Variants in CAMTA1 observed in about 807,000 individuals in gnomAD.
The protein encoded by CAMTA1 is calmodulin-binding transcription activator 1.
In CAMTA1, 27 loss-of-function variants were observed where a neutral mutation model predicts 170.9. The observed-to-expected ratio is 0.16, with a 90% CI of 0.12 to 0.22. The LOEUF (loss-of-function observed/expected upper bound fraction) is 0.22, where lower values mean the gene tolerates loss of function less well. Among genes scored for constraint, CAMTA1 ranks in the 10% least tolerant of loss-of-function variants. The pLI is 1.00. For missense variants in CAMTA1, 1,619 were observed against 2,217.2 expected (o/e 0.73, Z 5.42); for synonymous variants, 833 against 891.5 (o/e 0.93, Z 1.17).
At chr1:6,829,150 G>A (rs565764101) in intron 3 of CAMTA1, among the ~76,000 whole-genome samples, 25 of 151,966 alleles carry the variant, frequency 1.6e-4, no homozygotes, top group African/African-American at 5.1e-4. Flanking sequence ...TGATCTACCC[G>A]CTTCAGCCTC....
At chr1:7,242,241 C>T (rs1422677198) in intron 4 of CAMTA1, among the ~76,000 whole-genome samples, 1 of 152,304 alleles carries the variant, frequency 6.6e-6, no homozygotes, top group East Asian at 1.9e-4. Context: ...AACCACAATA[C>T]ACTCACTAGG....
chr1:7,079,812 C>A (rs779485280), intron 3 of CAMTA1, among the ~76,000 whole-genome samples: 17 of 152,090 alleles, frequency 1.1e-4, no homozygotes, highest in Non-Finnish European at 2.2e-4. Context: ...GGGAAAAAGA[C>A]AAATTATAGA....
intron 5 of CAMTA1, among the ~76,000 whole-genome samples, chr1:7,253,982 A>G (rs1422970545): frequency 6.6e-6 from 1 of 152,096 alleles, no homozygotes; most frequent in Non-Finnish European, 1.5e-5. Context: ...TGCAACCCTG[A>G]TGCAGGGTTT....
At position 6,989,637 on chromosome 1, in the gene CAMTA1, C is replaced by G. The variant is rs140027150; in HGVS notation, c.235-101667C>G. 5.7e-3 allele frequency among the ~76,000 whole-genome samples: 864 copies of G among 152,132 alleles called. 29 individuals are homozygous for G. The highest frequency in any genetic ancestry group is 0.052 in the Admixed American group (796 of 15,278). ...AACCTCTTCATTTGGGTGGATGCCC[C>G]GGGCTTTAAAGATAGCTGTCTTCCC... On this transcript the variant is annotated intron_variant, in intron 3 of 22. Transcript: ENST00000303635.
At chr1:7,035,715 C>G (rs1057003170) in intron 3 of CAMTA1, among the ~76,000 whole-genome samples, 3 of 152,192 alleles carry the variant, frequency 2.0e-5, no homozygotes, top group Admixed American at 1.3e-4. Flanking sequence ...GGTCTGCAGA[C>G]CATATTTGGA....
At chr1:7,655,291 C>CACAG (rs1558065279) in intron 7 of CAMTA1, among the ~76,000 whole-genome samples, 2 of 76,554 alleles carry the variant, frequency 2.6e-5, no homozygotes, top group African/African-American at 8.4e-5. Flanking sequence ...TATACACACA[C>CACAG]ACACCTATAC....
intron 6 of CAMTA1, among the ~76,000 whole-genome samples, chr1:7,485,005 C>T (rs979362839): frequency 6.6e-6 from 1 of 152,112 alleles, no homozygotes; most frequent in East Asian, 1.9e-4. Context: ...CACCGGCCCA[C>T]GCTCACCATG....
intron 1 of CAMTA1, among the ~76,000 whole-genome samples, chr1:6,790,287 T>G (rs1569822573): frequency 1.4e-5 from 2 of 147,288 alleles, no homozygotes; most frequent in Admixed American, 1.4e-4. Context: ...GGAGTGGGGG[T>G]GGTGAAGAGG....
rs1197525214 is a variant in CAMTA1, at chr1:7,092,837, A to G, written c.302+1466A>G. Among the ~76,000 whole-genome samples the G allele has an allele frequency of 6.6e-6, 1 of 152,202 alleles. No individual in the cohort carries two copies. The highest frequency in any genetic ancestry group is 2.4e-5 in the African/African-American group (1 of 41,454). ...CTGAGGAAGCCCCCTCTGCCTGGGA[A>G]GTTGGCGTCTCCCAGAGGAGGGCAG... On this transcript the variant is annotated intron_variant, in intron 4 of 22. Transcript: ENST00000303635. This position sits in a 1 kb window ranked among gnomAD's most constrained non-coding sequence, Gnocchi z 5.0.
At chr1:7,595,014 T>A (rs2095388623) in intron 6 of CAMTA1, among the ~76,000 whole-genome samples, 1 of 152,142 alleles carries the variant, frequency 6.6e-6, no homozygotes, top group South Asian at 2.1e-4. Context: ...AGGAGAGGCC[T>A]AAGACTGAGC....
intron 11 of CAMTA1, among the ~76,000 whole-genome samples, chr1:7,690,859 G>A (rs1223801461): frequency 1.3e-5 from 2 of 152,204 alleles, no homozygotes; most frequent in Non-Finnish European, 2.9e-5. Context: ...GAGGCTTCTG[G>A]AGCCTCTTCC....
At chr1:7,589,362 T>G (rs1317112492) in intron 6 of CAMTA1, among the ~76,000 whole-genome samples, 1 of 152,192 alleles carries the variant, frequency 6.6e-6, no homozygotes, top group Non-Finnish European at 1.5e-5. Context: ...CTGCATTTGT[T>G]CAGGTGTTGA....
At chr1:6,855,744 G>A (rs1662088930) in intron 3 of CAMTA1, among the ~76,000 whole-genome samples, 2 of 151,898 alleles carry the variant, frequency 1.3e-5, no homozygotes, top group African/African-American at 4.8e-5. Flanking sequence ...TCGAAGTAAG[G>A]AGGGATTTGG....
chr1:7,174,466 T>C (rs1292241738), intron 4 of CAMTA1, among the ~76,000 whole-genome samples: 1 of 152,210 alleles, frequency 6.6e-6, no homozygotes, highest in Admixed American at 6.5e-5. Context: ...AGTCACTGTT[T>C]GCAAGTGCCT....
chr1:7,511,987 T>A (rs1399061470), intron 6 of CAMTA1, among the ~76,000 whole-genome samples: 2 of 152,248 alleles, frequency 1.3e-5, no homozygotes, highest in African/African-American at 2.4e-5. Context: ...AACCACAGGC[T>A]TATCTGGATA....
At chr1:7,174,269 C>T (rs1450064544) in intron 4 of CAMTA1, among the ~76,000 whole-genome samples, 1 of 152,156 alleles carries the variant, frequency 6.6e-6, no homozygotes, top group African/African-American at 2.4e-5. Context: ...TACATAGTCA[C>T]TATCAACAAG....
At chr1:7,418,190 A>G (rs916890412) in intron 5 of CAMTA1, among the ~76,000 whole-genome samples, 5 of 151,756 alleles carry the variant, frequency 3.3e-5, no homozygotes, top group African/African-American at 1.2e-4. Context: ...CTGCTCTTCA[A>G]CACTTCTTTT....
chr1:7,434,002 G>A (rs2092266350), intron 5 of CAMTA1, among the ~76,000 whole-genome samples: 1 of 152,096 alleles, frequency 6.6e-6, no homozygotes, highest in South Asian at 2.1e-4. Context: ...TGGACCTTGG[G>A]CTTCACTGCT....
At chr1:7,659,272 C>T (rs995435737) in intron 7 of CAMTA1, among the ~76,000 whole-genome samples, 1 of 152,106 alleles carries the variant, frequency 6.6e-6, no homozygotes, top group Non-Finnish European at 1.5e-5. Flanking sequence ...TGGTGGCTCA[C>T]GCCTGTAATC....
Sources: gnomAD v4.1 joint callset for allele counts (sites outside exome capture counted in the v4.1 genomes callset) on GRCh38, gnomAD v4.1.1 for gene constraint, Gnocchi (gnomAD v3.1) non-coding constraint, MANE v1.5 for transcripts, NCBI Gene and HGNC (gene_info 2026-07-23, HGNC 2026-07-21) for gene names.